Variants in ADGRD2 observed in about 807,000 individuals in gnomAD.
The protein encoded by ADGRD2 is adhesion G protein-coupled receptor D2.
A neutral mutation model predicts 44.4 loss-of-function variants in ADGRD2; 71 were observed. The ratio of observed to expected loss-of-function variants is 1.60; its 90% CI spans 1.32 to 1.95. The LOEUF (loss-of-function observed/expected upper bound fraction) is 1.95, where lower values mean the gene tolerates loss of function less well. Among genes scored for constraint, ADGRD2 ranks in the 30% most tolerant of loss-of-function variants. The pLI is 0.00. For missense variants in ADGRD2, 1,039 were observed against 512.4 expected (o/e 2.03, Z -9.92); for synonymous variants, 481 against 224.8 (o/e 2.14, Z -10.19).
Position 124,453,656 on chromosome 9 carries a change from G to A in ADGRD2, c.905G>A (p.Trp302Ter), listed in dbSNP as rs764009476. The A allele has an allele frequency of 6.3e-4, 441 of 700,830 alleles. 1 individual carries two copies. The highest frequency in any genetic ancestry group is 5.1e-4 in the Non-Finnish European group (196 of 384,200). The allele number at this position is 700,830 out of a possible 1,614,324, so 43.4% of individuals were successfully genotyped here. A position where few individuals can be genotyped will look rare whatever the true frequency, so the allele number is the denominator to read the frequency against. The change falls in exon 3 of 22, where the codon TGG (tryptophan) becomes TAG (stop). Residue 302 changes from tryptophan (W) to a stop codon, truncating the protein, a stop_gained. Coordinates refer to ENST00000334810, the Ensembl canonical transcript of ADGRD2. LOFTEE classifies it high-confidence loss of function. ...ACGCCCTCGCTGCTGCCCACTGTGTGGGTGCGCCTTCTCTGTCCCGGTACG... is the reference window on the plus strand; with the variant it reads ...ACGCCCTCGCTGCTGCCCACTGTGTAGGTGCGCCTTCTCTGTCCCGGTACG...
At chr9:124,452,381 T>C in intron 1 of ADGRD2, 129 bp from the exon 5 acceptor site, 1 of 678,528 alleles carries the variant, frequency 1.5e-6, no homozygotes, top group South Asian at 1.7e-5. Flanking sequence ...CAGCAGGCCA[T>C]AGACATGGGC....
chr9:124,462,921 TTCTC>T (rs576460785), intron 10 of ADGRD2, among the ~76,000 whole-genome samples: 2 of 142,824 alleles, frequency 1.4e-5, no homozygotes, highest in Admixed American at 6.9e-5. Flanking sequence ...CTTCCTGACT[TTCTC>T]TCTCTCTCTT....
chr9:124,469,110 C>T, intron 14 of ADGRD2, 112 bp from the exon 18 acceptor site: 2 of 621,558 alleles, frequency 3.2e-6, no homozygotes, highest in Non-Finnish European at 5.8e-6. Flanking sequence ...CTCCCCAGTG[C>T]CCCCAGTACA....
At chr9:124,459,483 G>A (rs1831685351) in intron 10 of ADGRD2, among the ~76,000 whole-genome samples, 1 of 150,564 alleles carries the variant, frequency 6.6e-6, no homozygotes, top group Non-Finnish European at 1.5e-5. Flanking sequence ...GACAGAACAA[G>A]ACTCTGTCTC....
At chr9:124,465,661 A>T (rs1044152227) in intron 10 of ADGRD2, 1 of 151,950 alleles carries the variant, frequency 6.6e-6, no homozygotes, top group Admixed American at 6.6e-5. Context: ...CGTTAAGATG[A>T]TTTTTTTAAA....
At chr9:124,464,392 C>T (rs906339729) in intron 10 of ADGRD2, among the ~76,000 whole-genome samples, 1 of 152,092 alleles carries the variant, frequency 6.6e-6, no homozygotes, top group Non-Finnish European at 1.5e-5. Flanking sequence ...TTCAGCAGAG[C>T]CATGCAAAGC....
Position 124,454,158 on chromosome 9 carries a change from A to T in ADGRD2, c.1022+61A>T. The T allele has an allele frequency of 3.2e-6, 2 of 619,518 alleles. No individual in the cohort carries two copies. Among genetic ancestry groups the T allele is most frequent in the East Asian group, 2.8e-5 (1 of 36,236 alleles). 38.4% of individuals were successfully genotyped at this position (619,518 alleles called of 1,614,324 possible). A position where few individuals can be genotyped will look rare whatever the true frequency, so the allele number is the denominator to read the frequency against. Reference sequence around the variant, plus strand: ...GGAAAGCCGGTGTGGACCGGAGTAGACTGAGAGGGGGTGAGCTGCTGGCAA... The same window carrying T: ...GGAAAGCCGGTGTGGACCGGAGTAGTCTGAGAGGGGGTGAGCTGCTGGCAA... On this transcript the variant is annotated intron_variant, in intron 4 of 21. Coordinates refer to ENST00000334810, the Ensembl canonical transcript of ADGRD2. The surrounding 1 kb of genome is among the most constrained non-coding windows in gnomAD (Gnocchi z 4.5).
At chr9:124,474,763 C>T (rs576078972) in intron 17 of ADGRD2, among the ~76,000 whole-genome samples, 47 of 152,296 alleles carry the variant, frequency 3.1e-4, no homozygotes, top group Middle Eastern at 3.4e-3. Flanking sequence ...GCTCCTGGTC[C>T]CTCTCCATCA....
chr9:124,471,960 C>T (rs113531429), intron 17 of ADGRD2, among the ~76,000 whole-genome samples: 1 of 152,358 alleles, frequency 6.6e-6, no homozygotes, highest in African/African-American at 2.4e-5. Context: ...TCTGGCTGGG[C>T]CCCTGGCGAG....
chr9:124,452,299 C>A (rs1181842402), intron 1 of ADGRD2, 145 bp downstream of exon 4: 10 of 634,096 alleles, frequency 1.6e-5, no homozygotes, highest in Non-Finnish European at 2.9e-5. Flanking sequence ...CTGCGAGGAA[C>A]GCTTCACTGG....
chr9:124,477,946 T>C (rs1588611835), intron 21 of ADGRD2, among the ~76,000 whole-genome samples: 1 of 151,770 alleles, frequency 6.6e-6, no homozygotes, highest in Admixed American at 6.6e-5. Context: ...AGCTTCCACC[T>C]GGGCCCCACC....
At chr9:124,475,658 C>T (rs753940862) in intron 19 of ADGRD2, 43 bp downstream of exon 22, 1 of 610,924 alleles carries the variant, frequency 1.6e-6, no homozygotes, top group Non-Finnish European at 3.0e-6. Context: ...GGGAGGCCCC[C>T]AGAGCCAGGT....
intron 17 of ADGRD2, among the ~76,000 whole-genome samples, chr9:124,472,215 C>T (rs943529796): frequency 1.1e-4 from 17 of 152,200 alleles, no homozygotes; most frequent in African/African-American, 4.1e-4. Flanking sequence ...AGATCCCTCC[C>T]TTCAGTTCTC....
exon 3 of ADGRD2, chr9:124,453,595 C>G: frequency 1.4e-6 from 1 of 700,934 alleles, no homozygotes; most frequent in Middle Eastern, 2.5e-4. Context: ...CTCAGAGGGC[C>G]TGCTCTTCCG....
rs1241703951 is a variant in ADGRD2 at position 124,466,446 on chromosome 9, G to A, written c.2026+33G>A. ...CACGGTGGGAGGGGGGTGTCAGGAG[G>A]GGGCTTCTTAGCTGGAGGTGAAGAG... On this transcript the variant is annotated intron_variant, in intron 11 of 21. Coordinates refer to ENST00000334810, the Ensembl canonical transcript of ADGRD2. The A allele has an allele frequency of 4.6e-6, 3 of 648,760 alleles. No homozygotes were observed. In the South Asian group the frequency reaches 5.2e-5, roughly 11 times the overall value. 40.2% of individuals were successfully genotyped at this position (648,760 alleles called of 1,614,324 possible).
At chr9:124,451,997 GCCC>G, upstream of ADGRD2, 2 of 360,906 alleles carry the variant, frequency 5.5e-6, no homozygotes, top group Non-Finnish European at 5.5e-6. Context: ...TCCACTGAAT[GCCC>G]CCCTCCCACC....
intron 6 of ADGRD2, among the ~76,000 whole-genome samples, chr9:124,455,589 C>CA (rs34178298): frequency 0.036 from 5,065 of 142,624 alleles, 251 homozygotes; most frequent in East Asian, 0.2. Context: ...GACTCTGTCT[C>CA]AAAAAAAAAA....
exon 14 of ADGRD2, chr9:124,468,649 G>T (rs1046889672): frequency 4.2e-6 from 3 of 717,442 alleles, no homozygotes; most frequent in Non-Finnish European, 5.2e-6. Context: ...CCAGGCATGC[G>T]GCTCTACCAC....
At chr9:124,458,345 C>G in intron 9 of ADGRD2, 109 bp downstream of exon 12, 1 of 646,504 alleles carries the variant, frequency 1.5e-6, no homozygotes, top group Non-Finnish European at 2.8e-6. Context: ...CAGGGCCCAC[C>G]CTTTCCCACC....
Sources: allele counts gnomAD v4.1 joint callset (sites outside exome capture counted in the v4.1 genomes callset), GRCh38; gene constraint gnomAD v4.1.1; non-coding constraint Gnocchi (gnomAD v3.1); transcripts MANE v1.5; gene names NCBI Gene and HGNC (gene_info 2026-07-23, HGNC 2026-07-21).